Variants in PRDM16 observed in about 807,000 individuals in gnomAD.
PRDM16 encodes PR/SET domain 16.
Under a neutral mutation model 110.6 loss-of-function variants are expected in PRDM16, and 23 were observed. That is an observed-to-expected ratio of 0.21 (90% CI 0.15 to 0.29). PRDM16 has a LOEUF of 0.29. Among genes scored for constraint, PRDM16 ranks in the 10% least tolerant of loss-of-function variants. The pLI is 1.00. For synonymous variants in PRDM16, 799 were observed against 781.8 expected (o/e 1.02, Z -0.37); for missense variants, 1,615 against 1,794.3 (o/e 0.90, Z 1.81).
At chr1:3,328,138 A>G (rs867672827) in intron 3 of PRDM16, among the ~76,000 whole-genome samples, 4 of 152,142 alleles carry the variant, frequency 2.6e-5, no homozygotes, top group Non-Finnish European at 4.4e-5. Context: ...CCAAGTGGGG[A>G]ACTAGCCAGG....
At chr1:3,303,131 T>C (rs1641241036) in intron 3 of PRDM16, among the ~76,000 whole-genome samples, 1 of 152,182 alleles carries the variant, frequency 6.6e-6, no homozygotes, top group African/African-American at 2.4e-5. Context: ...GTGTTAGTTT[T>C]TGGTCACAGA....
intron 5 of PRDM16, 53 bp from the exon 6 acceptor site, chr1:3,402,738 C>T: frequency 2.0e-6 from 3 of 1,522,966 alleles, no homozygotes; most frequent in Non-Finnish European, 2.7e-6. Context: ...CCCCTGATAG[C>T]CCTGGGCTGG....
At chr1:3,432,276 C>A in intron 16 of PRDM16, 136 bp downstream of exon 16, 1 of 672,742 alleles carries the variant, frequency 1.5e-6, no homozygotes, top group East Asian at 2.7e-5. Flanking sequence ...GCTGCATCCT[C>A]CAGAGAGGCC....
At chr1:3,304,479 T>G (rs965094255) in intron 3 of PRDM16, among the ~76,000 whole-genome samples, 4 of 152,226 alleles carry the variant, frequency 2.6e-5, no homozygotes, top group Admixed American at 6.5e-5. Flanking sequence ...AAAGCCTGCA[T>G]TGCATCCTTG....
Position 3,414,592 on chromosome 1 carries a change from T to C in PRDM16, c.2636T>C (p.Val879Ala). The C allele has an allele frequency of 6.2e-7, 1 of 1,613,432 alleles. No individual in the cohort carries two copies. Residue 879 changes from valine to alanine, a missense_variant, in exon 10 of 17, where the codon GTG (valine) becomes GCG (alanine). Around this residue, in one of 5 missense-constraint regions of PRDM16, gnomAD observed 772 missense variants for 748.3 expected, o/e 1.03. Transcript: ENST00000270722. ...GAAAAGCGGAAGGTCACAGACCCCG[T>C]GGGAGCCCTGAAGGAGAAGTACCTG... is the stretch of plus-strand genomic sequence containing the variant. Reference protein sequence around the residue: ...RVEKRKVTDPVGALKEKYLRP... With the variant: ...RVEKRKVTDPAGALKEKYLRP...
chr1:3,420,792 G>A (rs77909219), intron 12 of PRDM16, among the ~76,000 whole-genome samples: 1 of 152,152 alleles, frequency 6.6e-6, no homozygotes, highest in Non-Finnish European at 1.5e-5. Context: ...ATTTGGGTTG[G>A]AGAAGCATGA....
At chr1:3,181,817 CATGCGGTCTT>C (rs1644207836) in intron 1 of PRDM16, among the ~76,000 whole-genome samples, 1 of 54,280 alleles carries the variant, frequency 1.8e-5, no homozygotes, top group Admixed American at 2.1e-4. Flanking sequence ...CGGTCTTACA[CATGCGGTCTT>C]ACACATTCAG....
intron 10 of PRDM16, among the ~76,000 whole-genome samples, chr1:3,415,392 GCAGAC>G (rs1378104712): frequency 6.6e-6 from 1 of 152,284 alleles, no homozygotes; most frequent in Admixed American, 6.5e-5. Context: ...CTGACAGACT[GCAGAC>G]CAGACCGGGG....
chr1:3,343,628 T>C (rs1330299901), intron 3 of PRDM16, among the ~76,000 whole-genome samples: 1 of 151,884 alleles, frequency 6.6e-6, no homozygotes, highest in Non-Finnish European at 1.5e-5. Flanking sequence ...CAGCTTTTGG[T>C]TTTTGTTTTG....
At position 3,353,105 on chromosome 1, in the gene PRDM16, G is replaced by GAGCTC. The variant is rs1438080991; in HGVS notation, c.439-32046_439-32042dup. On this transcript the variant is annotated intron_variant, in intron 3 of 16. Transcript: ENST00000270722. The surrounding 1 kb of genome is among the most constrained non-coding windows in gnomAD (Gnocchi z 5.4). ...GGGAGGCTGCAGCCGCACACCCGAA[G>GAGCTC]AGCTCGAAAGCTGGCCCCCAGCCCA... Among the ~76,000 whole-genome samples the GAGCTC allele has an allele frequency of 7.9e-5, 12 of 152,174 alleles. No individual in the cohort carries two copies. The highest frequency in any genetic ancestry group is 5.2e-4 in the Admixed American group (8 of 15,274).
In PRDM16 at chr1:3,311,693, C is replaced by T. The variant is rs144043224; in HGVS notation, c.438+67556C>T. ...AGAGCTGGGTGAGCCCAGTTCTGCCCGACCCCGAAGGCACCCCCAAAGCTG... is the reference window on the plus strand; with the variant it reads ...AGAGCTGGGTGAGCCCAGTTCTGCCTGACCCCGAAGGCACCCCCAAAGCTG... On this transcript the variant is annotated intron_variant, in intron 3 of 16. Coordinates refer to ENST00000270722, the MANE Select transcript of PRDM16 (RefSeq NM_022114.4). Among the ~76,000 whole-genome samples, 473 of 152,296 alleles carry T rather than the reference C, an allele frequency of 3.1e-3. 7 individuals carry two copies. Among genetic ancestry groups the T allele is most frequent in the African/African-American group, 0.011 (447 of 41,564 alleles).
At chr1:3,330,132 C>T (rs377171896) in intron 3 of PRDM16, among the ~76,000 whole-genome samples, 23 of 152,328 alleles carry the variant, frequency 1.5e-4, no homozygotes, top group Middle Eastern at 3.4e-3. Flanking sequence ...ACCCACTTCA[C>T]CTTGGGCTTG....
At chr1:3,101,163 A>G (rs955419315) in intron 1 of PRDM16, among the ~76,000 whole-genome samples, 2 of 152,128 alleles carry the variant, frequency 1.3e-5, no homozygotes, top group Non-Finnish European at 2.9e-5. Context: ...AGACTGTGCC[A>G]CGATGAGCTC....
rs145475029 is a variant in PRDM16, at chr1:3,161,756, C to T, written c.38-24369C>T. Among the ~76,000 whole-genome samples the T allele has an allele frequency of 4.6e-4, 70 of 152,312 alleles. 1 individual carries two copies. The highest frequency in any genetic ancestry group is 1.6e-3 in the African/African-American group (68 of 41,574). On this transcript the variant is annotated intron_variant, in intron 1 of 16. Coordinates refer to ENST00000270722, the MANE Select transcript of PRDM16 (RefSeq NM_022114.4). ...CCAGAGGTTGGTGGAGGGATTTTTG[C>T]GGCACCTGAACAGTCCTAAGCAGGC...
intron 2 of PRDM16, among the ~76,000 whole-genome samples, chr1:3,218,370 A>G (rs1267931211): frequency 3.9e-5 from 6 of 152,354 alleles, no homozygotes; most frequent in Non-Finnish European, 1.5e-5. Flanking sequence ...GTAACCCGTT[A>G]GGTGCTGGCC....
At chr1:3,140,323 T>C (rs1259584843) in intron 1 of PRDM16, among the ~76,000 whole-genome samples, 2 of 152,194 alleles carry the variant, frequency 1.3e-5, no homozygotes, top group Admixed American at 1.3e-4. Context: ...TACTCTGCAC[T>C]GTAGCCTTCT....
intron 1 of PRDM16, among the ~76,000 whole-genome samples, chr1:3,125,141 C>T (rs1445100953): frequency 6.6e-6 from 1 of 152,276 alleles, no homozygotes; most frequent in East Asian, 1.9e-4. Flanking sequence ...GGCACAGTCA[C>T]CAGCCAAAGG....
intron 3 of PRDM16, among the ~76,000 whole-genome samples, chr1:3,349,048 G>A (rs1000347817): frequency 6.6e-6 from 1 of 152,236 alleles, no homozygotes; most frequent in Non-Finnish European, 1.5e-5. Flanking sequence ...GCCCAGCATG[G>A]CCGGAGAGGC....
intron 3 of PRDM16, among the ~76,000 whole-genome samples, chr1:3,294,487 G>A (rs936243272): frequency 6.6e-6 from 1 of 152,058 alleles, no homozygotes; most frequent in African/African-American, 2.4e-5. Context: ...AGATCACCAG[G>A]TAAACCCATG....
Sources: allele counts gnomAD v4.1 joint callset (sites outside exome capture counted in the v4.1 genomes callset), GRCh38; gene constraint gnomAD v4.1.1; regional missense constraint gnomAD v4.1.1; non-coding constraint Gnocchi (gnomAD v3.1); transcripts MANE v1.5; gene names NCBI Gene and HGNC (gene_info 2026-07-23, HGNC 2026-07-21).